The following GNA14 variants were observed in gnomAD, a reference collection of about 807,000 sequenced individuals.
GNA14 encodes the protein guanine nucleotide-binding protein subunit alpha-14.
In GNA14, 50 loss-of-function variants were observed where a neutral mutation model predicts 42.0. The ratio of observed to expected loss-of-function variants is 1.19; its 90% confidence interval spans 0.95 to 1.51. The LOEUF is 1.51. Ranked by LOEUF, GNA14 falls within the 40% of genes most tolerant of loss-of-function variation. GNA14 has a pLI of 0.00. For synonymous variants in GNA14, 173 were observed against 163.1 expected (o/e 1.06, Z -0.46); for missense variants, 473 against 446.2 (o/e 1.06, Z -0.54).
rs375192575 is a variant in GNA14 at position 77,428,895 on chromosome 9, C to T, written c.723+12G>A. 1.3e-4 allele frequency: 217 copies of T among 1,611,828 alleles called. No individual in the cohort carries two copies. The African/African-American group carries it at 2.3e-3, about 17-fold the overall frequency. ...GGCTTCCACAGCTACCCAAACTTCC[C>T]GCCCAGCATACCTCGTTGTCACACT... is the stretch of plus-strand genomic sequence containing the variant. On this transcript the variant is annotated intron_variant, in intron 5 of 6. Transcript: ENST00000341700.
chr9:77,501,602 T>C (rs116334384), intron 2 of GNA14, among the ~76,000 whole-genome samples: 2,589 of 152,298 alleles, frequency 0.017, 71 homozygotes, highest in African/African-American at 0.059. Context: ...TCTAGCTCTT[T>C]GTTGGATATA....
chr9:77,576,130 T>C (rs67340822), intron 1 of GNA14, among the ~76,000 whole-genome samples: 3,756 of 152,296 alleles, frequency 0.025, 145 homozygotes, highest in African/African-American at 0.082. Flanking sequence ...CTGCTAATCA[T>C]AGAACTATAT....
chr9:77,566,145 C>CTTTTTTTTTTTTTTTTTTTTTT, intron 1 of GNA14, among the ~76,000 whole-genome samples: 1 of 102,510 alleles, frequency 9.8e-6, no homozygotes, highest in Non-Finnish European at 1.9e-5. Context: ...GGGAGTGCTT[C>CTTTTTTTTTTTTTTTTTTTTTT]TTTTTTTTTT....
At position 77,438,988 on chromosome 9, in the gene GNA14, G is replaced by C. The variant is rs148976693; in HGVS notation, c.310-4466C>G. Among the ~76,000 whole-genome samples, 675 of 152,310 alleles carry C rather than the reference G, an allele frequency of 4.4e-3. 6 individuals carry two copies. The highest frequency in any genetic ancestry group is 0.016 in the African/African-American group (650 of 41,566). On this transcript the variant is annotated intron_variant, in intron 2 of 6. Coordinates refer to ENST00000341700, the MANE Select transcript of GNA14 (RefSeq NM_004297.4). ...ATCCAAAGTTTGCCAGTTGTTCCAG[G>C]AATGTCCTTTATCTGGTCTGGAGCC...
At chr9:77,557,708 T>G (rs1822811332) in intron 1 of GNA14, among the ~76,000 whole-genome samples, 1 of 152,196 alleles carries the variant, frequency 6.6e-6, no homozygotes, top group Admixed American at 6.5e-5. Flanking sequence ...AGATGATTAC[T>G]TCATGGGAGC....
chr9:77,622,877 G>T (rs1823950541), intron 1 of GNA14, among the ~76,000 whole-genome samples: 1 of 145,268 alleles, frequency 6.9e-6, no homozygotes, highest in Non-Finnish European at 1.5e-5. Flanking sequence ...CTGGGTGACA[G>T]AGTGAGACTC....
intron 1 of GNA14, among the ~76,000 whole-genome samples, chr9:77,564,726 G>C (rs1822939405): frequency 6.6e-6 from 1 of 151,938 alleles, no homozygotes; most frequent in Admixed American, 6.6e-5. Context: ...CCAGCTACTT[G>C]GGAGGCTGAG....
At chr9:77,645,460 C>T (rs978654667) in intron 1 of GNA14, among the ~76,000 whole-genome samples, 4 of 152,142 alleles carry the variant, frequency 2.6e-5, no homozygotes, top group South Asian at 2.1e-4. Context: ...GAGTTCTGAA[C>T]GGCTCTGTGT....
chr9:77,582,162 T>G (rs1176227336), intron 1 of GNA14, among the ~76,000 whole-genome samples: 1 of 152,208 alleles, frequency 6.6e-6, no homozygotes. Flanking sequence ...CTCCCAGTAT[T>G]TGTCCACCCA....
At chr9:77,633,821 G>A (rs907282464) in intron 1 of GNA14, among the ~76,000 whole-genome samples, 3 of 152,140 alleles carry the variant, frequency 2.0e-5, no homozygotes, top group African/African-American at 7.2e-5. Context: ...CATAGGATAG[G>A]CCTCAATTTT....
intron 1 of GNA14, 73 bp from the exon 2 acceptor site, chr9:77,529,326 C>T: frequency 8.7e-7 from 1 of 1,152,072 alleles, no homozygotes; most frequent in Non-Finnish European, 1.3e-6. Context: ...AGAGGACCTC[C>T]TGGCAGTATT....
chr9:77,603,966 A>AAAAAAAAAAAAAAAAC (rs1823611116), intron 1 of GNA14, among the ~76,000 whole-genome samples: 1 of 148,024 alleles, frequency 6.8e-6, no homozygotes, highest in African/African-American at 2.5e-5. Flanking sequence ...CAAAAAAAAA[A>AAAAAAAAAAAAAAAAC]AAAAAAAAAA....
intron 1 of GNA14, among the ~76,000 whole-genome samples, chr9:77,596,642 A>C (rs946271457): frequency 6.6e-6 from 1 of 152,176 alleles, no homozygotes; most frequent in Non-Finnish European, 1.5e-5. Context: ...TGATCCAAAA[A>C]GGAGAAAAAG....
chr9:77,611,283 T>C (rs1160901102), intron 1 of GNA14, among the ~76,000 whole-genome samples: 1 of 152,198 alleles, frequency 6.6e-6, no homozygotes, highest in Non-Finnish European at 1.5e-5. Flanking sequence ...AACATGAGTA[T>C]CTACATATTT....
At chr9:77,627,570 G>GA (rs1824029405) in intron 1 of GNA14, among the ~76,000 whole-genome samples, 4 of 152,116 alleles carry the variant, frequency 2.6e-5, no homozygotes, top group Non-Finnish European at 4.4e-5. Context: ...TCATCCCTGG[G>GA]ATGCCAGGCT....
At chr9:77,606,715 G>A (rs571715382) in intron 1 of GNA14, among the ~76,000 whole-genome samples, 10 of 152,286 alleles carry the variant, frequency 6.6e-5, no homozygotes, top group African/African-American at 2.2e-4. Context: ...GGAAAAAAAG[G>A]TGTAAGCCTC....
At chr9:77,606,763 G>A (rs973659869) in intron 1 of GNA14, among the ~76,000 whole-genome samples, 1 of 152,186 alleles carries the variant, frequency 6.6e-6, no homozygotes, top group South Asian at 2.1e-4. Flanking sequence ...GTTATGAGCG[G>A]AATGTTTATG....
At chr9:77,540,716 T>C (rs376978706) in intron 1 of GNA14, among the ~76,000 whole-genome samples, 4 of 152,160 alleles carry the variant, frequency 2.6e-5, no homozygotes, top group South Asian at 4.1e-4. Context: ...CTCTTATTAT[T>C]ACACACTGAC....
At chr9:77,528,770 C>T (rs545767288) in intron 2 of GNA14, among the ~76,000 whole-genome samples, 7 of 152,130 alleles carry the variant, frequency 4.6e-5, no homozygotes, top group Admixed American at 2.6e-4. Flanking sequence ...GGTCTCTTAG[C>T]GGAAAGAGAA....
Sources: gnomAD v4.1 joint callset for allele counts (sites outside exome capture counted in the v4.1 genomes callset) on GRCh38, gnomAD v4.1.1 for gene constraint, MANE v1.5 for transcripts, NCBI Gene and HGNC (gene_info 2026-07-23, HGNC 2026-07-21) for gene names.